Variants in WWOX observed in about 807,000 individuals in gnomAD.
WWOX encodes WW domain-containing oxidoreductase.
In WWOX, 69 loss-of-function variants were observed where a neutral mutation model predicts 46.2. That is an observed-to-expected ratio of 1.49 (90% CI 1.23 to 1.82). The LOEUF is 1.82. Among genes scored for constraint, WWOX ranks in the 40% most tolerant of loss-of-function variants. The probability of loss-of-function intolerance (pLI) is 0.00; values close to 1 mark genes in which losing one functional copy is unlikely to be tolerated. For missense variants in WWOX, 919 were observed against 542.6 expected (o/e 1.69, Z -6.89); for synonymous variants, 359 against 202.6 (o/e 1.77, Z -6.56).
At chr16:79,117,111 A>C (rs1426355232) in intron 8 of WWOX, among the ~76,000 whole-genome samples, 3 of 152,056 alleles carry the variant, frequency 2.0e-5, no homozygotes, top group Non-Finnish European at 4.4e-5. Flanking sequence ...ACTGCAGCTC[A>C]AATTATCCTC....
At chr16:78,122,519 A>C (rs1438731353) in intron 4 of WWOX, among the ~76,000 whole-genome samples, 2 of 152,170 alleles carry the variant, frequency 1.3e-5, no homozygotes, top group African/African-American at 4.8e-5. Flanking sequence ...TTTACTTAAA[A>C]CCCAATTAAA....
rs550597927 is a variant in WWOX at position 79,026,779 on chromosome 16, G to A, written c.1057-184829G>A. On this transcript the variant is annotated intron_variant, in intron 8 of 8. Coordinates refer to ENST00000566780, the MANE Select transcript of WWOX (RefSeq NM_016373.4). ...AGTACAGGCGACTGCCACCACGCCC[G>A]GCTAATTTTTTTTTTTTTTTTTGGT... Among the ~76,000 whole-genome samples the A allele has an allele frequency of 4.9e-4, 41 of 83,714 alleles. No individual in the cohort carries two copies. The East Asian group carries it at 0.011, about 23-fold the overall frequency. The allele number at this position is 83,714 out of a possible 152,430, so 54.9% of individuals were successfully genotyped here. A position where few individuals can be genotyped will look rare whatever the true frequency, so the allele number is the denominator to read the frequency against.
At chr16:78,866,475 C>T (rs1046707832) in intron 8 of WWOX, among the ~76,000 whole-genome samples, 4 of 151,964 alleles carry the variant, frequency 2.6e-5, no homozygotes, top group African/African-American at 7.3e-5. Context: ...GTGGGTACCT[C>T]TTGTTCCTCT....
chr16:78,372,053 A>G (rs1006599510), intron 5 of WWOX, among the ~76,000 whole-genome samples: 29 of 152,156 alleles, frequency 1.9e-4, no homozygotes, highest in African/African-American at 6.3e-4. Flanking sequence ...GGCCAACTCT[A>G]AGTCTCACGG....
intron 5 of WWOX, among the ~76,000 whole-genome samples, chr16:78,188,595 A>C (rs1183315429): frequency 6.6e-6 from 1 of 152,096 alleles, no homozygotes; most frequent in Non-Finnish European, 1.5e-5. Context: ...ATCCCAGAAT[A>C]GTAGGACCAT....
intron 8 of WWOX, among the ~76,000 whole-genome samples, chr16:78,734,398 G>A (rs903575828): frequency 1.3e-5 from 2 of 152,122 alleles, no homozygotes; most frequent in African/African-American, 4.8e-5. Context: ...CCCTATGATA[G>A]CCCTAATTGG....
chr16:78,876,596 T>C (rs1106635), intron 8 of WWOX, among the ~76,000 whole-genome samples: 2,664 of 152,286 alleles, frequency 0.017, 66 homozygotes, highest in African/African-American at 0.058. Flanking sequence ...TTTCGACTTA[T>C]TTTGCTTTGG....
intron 8 of WWOX, among the ~76,000 whole-genome samples, chr16:78,790,503 T>G (rs1227440723): frequency 6.6e-6 from 1 of 152,154 alleles, no homozygotes; most frequent in Non-Finnish European, 1.5e-5. Context: ...AAGGTCTACC[T>G]ACAACTTTAA....
At chr16:78,978,204 T>A (rs557006383) in intron 8 of WWOX, among the ~76,000 whole-genome samples, 1 of 152,348 alleles carries the variant, frequency 6.6e-6, no homozygotes, top group Non-Finnish European at 1.5e-5. Context: ...AGTATTCCAC[T>A]GTATATTGAT....
chr16:79,175,689 G>A lies in WWOX; in HGVS notation c.1057-35919G>A, dbSNP rs1452188859. On this transcript the variant is annotated intron_variant, in intron 8 of 8. Coordinates refer to ENST00000566780, the MANE Select transcript of WWOX (RefSeq NM_016373.4). The stretch of plus-strand genomic sequence containing the variant: ...TGAAGGATGTTAGCATTAGAGGCAG[G>A]CCTGTGTGCCTGTTCTGTGTCCTGG... 4.6e-5 allele frequency among the ~76,000 whole-genome samples: 7 copies of A among 152,270 alleles called. No homozygotes were observed. In the East Asian group the frequency reaches 1.2e-3, roughly 25 times the overall value.
At chr16:78,234,120 CT>C (rs35461313) in intron 5 of WWOX, among the ~76,000 whole-genome samples, 80,030 of 149,478 alleles carry the variant, frequency 0.54, 21,523 homozygotes, top group Admixed American at 0.68. Context: ...AGTTCATATT[CT>C]TTTTTTTTTT....
At chr16:78,351,233 C>T (rs1053461894) in intron 5 of WWOX, among the ~76,000 whole-genome samples, 1 of 152,230 alleles carries the variant, frequency 6.6e-6, no homozygotes, top group Non-Finnish European at 1.5e-5. Context: ...ACAAACACTG[C>T]TCCCCGATTA....
At chr16:78,721,853 TG>T (rs1423114397) in intron 8 of WWOX, among the ~76,000 whole-genome samples, 52 of 152,368 alleles carry the variant, frequency 3.4e-4, no homozygotes, top group African/African-American at 1.2e-3. Context: ...ATGAAGAGGT[TG>T]GCAGAGCAAA....
chr16:78,526,172 G>T (rs1308462635), intron 8 of WWOX: 3 of 152,284 alleles, frequency 2.0e-5, no homozygotes, highest in Admixed American at 1.3e-4. Context: ...AAGGGCTTCA[G>T]TTTCACCAGT....
At chr16:78,919,137 A>G (rs572407085) in intron 8 of WWOX, among the ~76,000 whole-genome samples, 2 of 152,282 alleles carry the variant, frequency 1.3e-5, no homozygotes, top group South Asian at 2.1e-4. Context: ...ACACGGAACA[A>G]TGACCGCAAT....
chr16:79,012,804 T>C (rs373110898), intron 8 of WWOX, among the ~76,000 whole-genome samples: 2 of 152,234 alleles, frequency 1.3e-5, no homozygotes, highest in East Asian at 1.9e-4. Flanking sequence ...TTCTGTTTTC[T>C]TCCAGATCCT....
At chr16:78,365,750 C>A (rs1280643880) in intron 5 of WWOX, among the ~76,000 whole-genome samples, 1 of 151,986 alleles carries the variant, frequency 6.6e-6, no homozygotes, top group South Asian at 2.1e-4. Flanking sequence ...GTTTTTTGTT[C>A]TTTTGTTTTT....
chr16:79,040,141 G>A (rs749669660), intron 8 of WWOX, among the ~76,000 whole-genome samples: 3 of 152,064 alleles, frequency 2.0e-5, no homozygotes, highest in African/African-American at 4.8e-5. Flanking sequence ...TAATGTACTT[G>A]GAATGGATCC....
chr16:79,115,740 C>G (rs1213866188), intron 8 of WWOX, among the ~76,000 whole-genome samples: 1 of 152,160 alleles, frequency 6.6e-6, no homozygotes, highest in African/African-American at 2.4e-5. Flanking sequence ...TAGGACTGAC[C>G]TGCGTGTAGA....
Sources: gnomAD v4.1 joint callset for allele counts (sites outside exome capture counted in the v4.1 genomes callset) on GRCh38, gnomAD v4.1.1 for gene constraint, MANE v1.5 for transcripts, NCBI Gene and HGNC (gene_info 2026-07-23, HGNC 2026-07-21) for gene names.